The following GRIN3A variants were observed in gnomAD, a reference collection of about 807,000 sequenced individuals.
GRIN3A encodes glutamate receptor ionotropic, NMDA 3A.
Under a neutral mutation model 92.4 loss-of-function variants are expected in GRIN3A, and 47 were observed. The ratio of observed to expected loss-of-function variants is 0.51; its 90% CI spans 0.40 to 0.65. The LOEUF is 0.65. Ranked by LOEUF, GRIN3A falls within the 30% of genes least tolerant of loss-of-function variation. The pLI is 0.00. For synonymous variants in GRIN3A, 527 were observed against 540.6 expected (o/e 0.97, Z 0.35); for missense variants, 1,324 against 1,393.1 (o/e 0.95, Z 0.79).
At chr9:101,576,396 C>G (rs1220725675) in intron 8 of GRIN3A, among the ~76,000 whole-genome samples, 1 of 152,158 alleles carries the variant, frequency 6.6e-6, no homozygotes. Context: ...AACACCTGTT[C>G]TCCTTAGATC....
chr9:101,640,381 G>A (rs979326309), intron 3 of GRIN3A, among the ~76,000 whole-genome samples: 1 of 152,084 alleles, frequency 6.6e-6, no homozygotes, highest in African/African-American at 2.4e-5. Flanking sequence ...TTCTTTCTTT[G>A]CAAATTTGAG....
At chr9:101,651,841 T>C (rs1307974125) in intron 3 of GRIN3A, among the ~76,000 whole-genome samples, 1 of 152,020 alleles carries the variant, frequency 6.6e-6, no homozygotes, top group African/African-American at 2.4e-5. Flanking sequence ...AAAGCATAAA[T>C]CCTGAATGCT....
intron 2 of GRIN3A, 116 bp downstream of exon 2, chr9:101,686,480 T>C (rs186835925): frequency 2.7e-6 from 3 of 1,125,310 alleles, no homozygotes; most frequent in East Asian, 4.7e-5. Flanking sequence ...CTAAGAAATA[T>C]TATTAAAGTT....
At chr9:101,630,102 A>G (rs1828691838) in intron 3 of GRIN3A, among the ~76,000 whole-genome samples, 1 of 152,188 alleles carries the variant, frequency 6.6e-6, no homozygotes, top group Admixed American at 6.5e-5. Context: ...TCCAACATCT[A>G]TTAATTTTTC....
chr9:101,657,078 T>C (rs1167631876), intron 3 of GRIN3A, among the ~76,000 whole-genome samples: 1 of 151,858 alleles, frequency 6.6e-6, no homozygotes, highest in African/African-American at 2.4e-5. Flanking sequence ...TTGTCTTACG[T>C]TGAAATGTAA....
chr9:101,577,436 G>A (rs1378653871), intron 8 of GRIN3A, among the ~76,000 whole-genome samples: 6 of 152,270 alleles, frequency 3.9e-5, no homozygotes, highest in African/African-American at 1.4e-4. Flanking sequence ...AATAGGTACT[G>A]TTTTTATCTC....
At position 101,738,621 on chromosome 9, in the gene GRIN3A, T is replaced by C. The variant is rs1830251071; in HGVS notation, c.-642A>G. 1 of 153,602 alleles carries C rather than the reference T, an allele frequency of 6.5e-6. No homozygotes were observed. Among genetic ancestry groups the C allele is most frequent in the Non-Finnish European group, 1.4e-5 (1 of 69,198 alleles). 9.5% of individuals were successfully genotyped at this position (153,602 alleles called of 1,614,324 possible). On this transcript the variant is annotated 5_prime_UTR_variant, in exon 1 of 9. Coordinates refer to ENST00000361820, the MANE Select transcript of GRIN3A (RefSeq NM_133445.3). ...TTTTCCACCGAGTCGCCACCGCCGC[T>C]TGCTTCCTCGGAGGAGCAACGCGAC...
chr9:101,580,628 T>G (rs1047501232), intron 6 of GRIN3A, among the ~76,000 whole-genome samples: 1 of 151,970 alleles, frequency 6.6e-6, no homozygotes, highest in Non-Finnish European at 1.5e-5. Context: ...AGAAGTGTAG[T>G]AAACCGAGCC....
At chr9:101,633,808 C>A (rs528723998) in intron 3 of GRIN3A, among the ~76,000 whole-genome samples, 1 of 152,094 alleles carries the variant, frequency 6.6e-6, no homozygotes, top group African/African-American at 2.4e-5. Context: ...AGGTTGGGGA[C>A]TGCTGCTTTA....
chr9:101,718,656 C>T (rs1829974985), intron 1 of GRIN3A, among the ~76,000 whole-genome samples: 1 of 152,180 alleles, frequency 6.6e-6, no homozygotes, highest in Non-Finnish European at 1.5e-5. Flanking sequence ...TAATATAACA[C>T]TGAATCACAT....
At chr9:101,732,640 A>G (rs1459403510) in intron 1 of GRIN3A, among the ~76,000 whole-genome samples, 1 of 152,180 alleles carries the variant, frequency 6.6e-6, no homozygotes, top group Non-Finnish European at 1.5e-5. Context: ...AGGGGAATGC[A>G]AACATTTTAC....
intron 1 of GRIN3A, among the ~76,000 whole-genome samples, chr9:101,724,175 G>C (rs980511396): frequency 8.0e-6 from 1 of 125,500 alleles, no homozygotes; most frequent in African/African-American, 2.7e-5. Context: ...GGTGGCGTTC[G>C]TCGAGGAGGC....
At position 101,572,429 on chromosome 9, in the gene GRIN3A, C is replaced by G. The variant is rs984039112; in HGVS notation, c.*745G>C. On this transcript the variant is annotated 3_prime_UTR_variant, in exon 9 of 9. Transcript: ENST00000361820. ...TTTTTTAGCCAAATTGCCTTTCTGG[C>G]CCAGAGCTTTTGTTCTGAAAGCATG... is the stretch of plus-strand genomic sequence containing the variant. The G allele has an allele frequency of 8.5e-5, 13 of 152,726 alleles. No individual in the cohort carries two copies. Among genetic ancestry groups the G allele is most frequent in the African/African-American group, 3.1e-4 (13 of 41,448 alleles). 9.5% of individuals were successfully genotyped at this position (152,726 alleles called of 1,614,324 possible).
At chr9:101,688,804 G>C (rs961342926) in intron 1 of GRIN3A, among the ~76,000 whole-genome samples, 1 of 151,984 alleles carries the variant, frequency 6.6e-6, no homozygotes, top group Non-Finnish European at 1.5e-5. Flanking sequence ...GGAGATGGAG[G>C]TTGCAGTGAG....
chr9:101,612,619 G>A (rs193249545), intron 6 of GRIN3A, among the ~76,000 whole-genome samples: 35 of 152,138 alleles, frequency 2.3e-4, no homozygotes, highest in African/African-American at 7.7e-4. Context: ...AAATTGTCAG[G>A]CTGACCTTGT....
chr9:101,714,893 A>G (rs2119019111), intron 1 of GRIN3A, among the ~76,000 whole-genome samples: 1 of 152,298 alleles, frequency 6.6e-6, no homozygotes, highest in South Asian at 2.1e-4. Context: ...ATAAATGTAA[A>G]TATCATGGGC....
chr9:101,638,525 C>A (rs140103654), intron 3 of GRIN3A, among the ~76,000 whole-genome samples: 1 of 152,274 alleles, frequency 6.6e-6, no homozygotes, highest in East Asian at 1.9e-4. Context: ...CTGTTTCTCC[C>A]TTATGTGTAA....
chr9:101,738,188 G>A lies in GRIN3A; in HGVS notation c.-209C>T, dbSNP rs1172393516. 5 of 626,980 alleles carry A rather than the reference G, an allele frequency of 8.0e-6. No individual in the cohort carries two copies. Among genetic ancestry groups the A allele is most frequent in the South Asian group, 1.8e-5 (1 of 54,902 alleles). 38.8% of individuals were successfully genotyped at this position (626,980 alleles called of 1,614,324 possible). A position where few individuals can be genotyped will look rare whatever the true frequency, so the allele number is the denominator to read the frequency against. On this transcript the variant is annotated 5_prime_UTR_variant, in exon 1 of 9. Transcript: ENST00000361820. ...TCAGATCCCGCTCCCAGGTCCCTCC[G>A]CCTGGCATCCTCTGCCCGCCCGGTC... is the stretch of plus-strand genomic sequence containing the variant.
At chr9:101,679,467 G>A (rs919349534) in intron 2 of GRIN3A, among the ~76,000 whole-genome samples, 1 of 151,990 alleles carries the variant, frequency 6.6e-6, no homozygotes, top group Non-Finnish European at 1.5e-5. Context: ...GAGTCCCCCC[G>A]ACCCCGCCCC....
Sources: gnomAD v4.1 joint callset for allele counts (sites outside exome capture counted in the v4.1 genomes callset) on GRCh38, gnomAD v4.1.1 for gene constraint, MANE v1.5 for transcripts, NCBI Gene and HGNC (gene_info 2026-07-23, HGNC 2026-07-21) for gene names.